Variants in ROCK1 observed in about 807,000 individuals in gnomAD.
ROCK1 encodes rho-associated protein kinase 1.
ROCK1 carries 36 observed loss-of-function variants against 196.8 expected under a neutral mutation model. That is an observed-to-expected ratio of 0.18 (90% CI 0.14 to 0.24). The LOEUF (loss-of-function observed/expected upper bound fraction) is 0.24, where lower values mean the gene tolerates loss of function less well. ROCK1 is among the 10% of genes least tolerant of loss of function. The pLI is 1.00. For synonymous variants in ROCK1, 443 were observed against 515.9 expected (o/e 0.86, Z 1.91); for missense variants, 920 against 1,562.0 (o/e 0.59, Z 6.93).
At chr18:20,992,959 C>A (rs765810782) in intron 16 of ROCK1, 22 bp from the exon 17 acceptor site, 1 of 1,475,622 alleles carries the variant, frequency 6.8e-7, no homozygotes, top group South Asian at 1.1e-5. Flanking sequence ...GAAAAAAGTT[C>A]AAGTCTGTAG....
At chr18:21,098,528 A>T (rs1170193765) in intron 1 of ROCK1, among the ~76,000 whole-genome samples, 2 of 152,136 alleles carry the variant, frequency 1.3e-5, no homozygotes, top group Non-Finnish European at 2.9e-5. Flanking sequence ...CTTTCTAACT[A>T]TGACTCAAAA....
intron 16 of ROCK1, among the ~76,000 whole-genome samples, chr18:20,995,260 C>T (rs181582746): frequency 8.4e-4 from 128 of 152,212 alleles, no homozygotes; most frequent in Non-Finnish European, 2.8e-4. Context: ...ATTGCATATA[C>T]GTACCAAAAC....
Position 21,111,179 on chromosome 18 carries a change from G to A in ROCK1, c.-269C>T. On this transcript the variant is annotated 5_prime_UTR_variant, in exon 1 of 33. Transcript: ENST00000399799. This position sits in a 1 kb window ranked among gnomAD's most constrained non-coding sequence, Gnocchi z 4.2. Reference sequence around the variant, plus strand: ...CCTCACGACAGCCGACAGCGCCGTCGCCACCAGCCTCGTCGCTCCGGCGAG... The same window carrying A: ...CCTCACGACAGCCGACAGCGCCGTCACCACCAGCCTCGTCGCTCCGGCGAG... 1 of 539,422 alleles carries A rather than the reference G, an allele frequency of 1.9e-6. No individual in the cohort carries two copies. Among genetic ancestry groups the A allele is most frequent in the African/African-American group, 2.0e-5 (1 of 51,226 alleles). The allele number at this position is 539,422 out of a possible 1,614,324, so 33.4% of individuals were successfully genotyped here.
chr18:20,961,011 T>C (rs1420976359), intron 27 of ROCK1, among the ~76,000 whole-genome samples: 7 of 152,170 alleles, frequency 4.6e-5, no homozygotes, highest in South Asian at 4.1e-4. Flanking sequence ...CAGGAATTCC[T>C]TGACTATTTG....
chr18:21,056,376 G>A (rs372763651), intron 2 of ROCK1, among the ~76,000 whole-genome samples: 4 of 152,096 alleles, frequency 2.6e-5, no homozygotes, highest in Non-Finnish European at 4.4e-5. Flanking sequence ...CACTTTGGCC[G>A]ATGGCTCAAT....
chr18:21,022,667 C>T (rs1598531924), intron 11 of ROCK1, among the ~76,000 whole-genome samples: 1 of 152,248 alleles, frequency 6.6e-6, no homozygotes, highest in East Asian at 1.9e-4. Flanking sequence ...TGATGTCAGG[C>T]TTTCTCTGAG....
At chr18:21,013,676 TTC>T (rs1491574982) in intron 13 of ROCK1, among the ~76,000 whole-genome samples, 4 of 152,282 alleles carry the variant, frequency 2.6e-5, no homozygotes, top group African/African-American at 7.2e-5. Flanking sequence ...TTACTGGACC[TTC>T]TCTGACACTA....
chr18:20,997,364 T>C lies in ROCK1; in HGVS notation c.1886-4427A>G, dbSNP rs117091231. On this transcript the variant is annotated intron_variant, in intron 16 of 32. Coordinates refer to ENST00000399799, the MANE Select transcript of ROCK1 (RefSeq NM_005406.3). ...GCAGTTATACTTGTATCAGACAAAATAGATTTCAAGACAAAAACTATAAAA... is the reference window on the plus strand; with the variant it reads ...GCAGTTATACTTGTATCAGACAAAACAGATTTCAAGACAAAAACTATAAAA... Among the ~76,000 whole-genome samples, 42 of 151,968 alleles carry C rather than the reference T, an allele frequency of 2.8e-4. 1 individual carries two copies. In the East Asian group the frequency reaches 6.6e-3, roughly 24 times the overall value.
At chr18:20,979,026 C>CA (rs978939771) in intron 22 of ROCK1, among the ~76,000 whole-genome samples, 52 of 152,326 alleles carry the variant, frequency 3.4e-4, no homozygotes, top group African/African-American at 1.3e-3. Context: ...AGATACTCCG[C>CA]AGGAGTTACT....
intron 12 of ROCK1, among the ~76,000 whole-genome samples, chr18:21,018,619 T>C (rs1436957282): frequency 6.6e-6 from 1 of 152,204 alleles, no homozygotes; most frequent in East Asian, 1.9e-4. Context: ...TTACATATTT[T>C]ATACTTAGAA....
At chr18:21,032,139 T>A (rs1159410445) in intron 9 of ROCK1, among the ~76,000 whole-genome samples, 1 of 152,008 alleles carries the variant, frequency 6.6e-6, no homozygotes, top group Non-Finnish European at 1.5e-5. Context: ...TATGAAAAAC[T>A]CCAAAAGCTC....
At chr18:20,980,393 C>T (rs7227454) in intron 21 of ROCK1, among the ~76,000 whole-genome samples, 15,504 of 152,060 alleles carry the variant, frequency 0.1, 1,012 homozygotes, top group East Asian at 0.24. Context: ...ACTGTGACTC[C>T]ATGTAGATGA....
In ROCK1 at chr18:21,081,638, G is replaced by A. The variant is rs368206365; in HGVS notation, c.94-11025C>T. 2.6e-5 allele frequency among the ~76,000 whole-genome samples: 4 copies of A among 152,140 alleles called. No individual in the cohort carries two copies. In the South Asian group the frequency reaches 6.2e-4, roughly 24 times the overall value. ...TTGGTTAAGCTGACTAAGGGAAAAA[G>A]AGAGAAGACTCAAATTAGTAATTTC... On this transcript the variant is annotated intron_variant, in intron 1 of 32. Transcript: ENST00000399799.
intron 29 of ROCK1, among the ~76,000 whole-genome samples, chr18:20,958,848 TTAA>T (rs1159057608): frequency 3.0e-5 from 4 of 134,976 alleles, no homozygotes; most frequent in Non-Finnish European, 4.6e-5. Context: ...ATTTCTATTA[TTAA>T]TAGTTATAAA....
At chr18:21,006,823 C>G in intron 14 of ROCK1, 33 bp from the exon 15 acceptor site, 1 of 1,328,822 alleles carries the variant, frequency 7.5e-7, no homozygotes, top group Non-Finnish European at 1.0e-6. Flanking sequence ...ATAGAAATTA[C>G]AACATTTTCA....
chr18:21,016,680 T>TC (rs1392952253), intron 12 of ROCK1, among the ~76,000 whole-genome samples: 3 of 152,028 alleles, frequency 2.0e-5, no homozygotes, highest in Non-Finnish European at 4.4e-5. Context: ...TCTTCTAGAG[T>TC]CCCTAAGTAA....
chr18:20,984,956 A>G (rs564317561), intron 19 of ROCK1, among the ~76,000 whole-genome samples: 101 of 152,260 alleles, frequency 6.6e-4, no homozygotes, highest in Non-Finnish European at 1.2e-3. Flanking sequence ...CTACAAAAAA[A>G]TACAAAAATT....
intron 18 of ROCK1, among the ~76,000 whole-genome samples, chr18:20,989,250 T>A (rs1225775495): frequency 7.9e-5 from 12 of 152,200 alleles, no homozygotes; most frequent in African/African-American, 2.7e-4. Flanking sequence ...CACAGGCACT[T>A]TACATGCATT....
chr18:21,002,773 G>A (rs1175321593), intron 16 of ROCK1, among the ~76,000 whole-genome samples: 1 of 152,162 alleles, frequency 6.6e-6, no homozygotes, highest in Non-Finnish European at 1.5e-5. Context: ...ACAGGGTCTT[G>A]TTCTGTTGCC....
Sources: gnomAD v4.1 joint callset for allele counts (sites outside exome capture counted in the v4.1 genomes callset) on GRCh38, gnomAD v4.1.1 for gene constraint, Gnocchi (gnomAD v3.1) non-coding constraint, MANE v1.5 for transcripts, NCBI Gene and HGNC (gene_info 2026-07-23, HGNC 2026-07-21) for gene names.